Variants in HKDC1 observed in about 807,000 individuals in gnomAD.
HKDC1 encodes the protein hexokinase domain containing 1.
A neutral mutation model predicts 96.6 loss-of-function variants in HKDC1; 66 were observed. The observed-to-expected ratio is 0.68, with a 90% CI of 0.56 to 0.84. HKDC1 has a LOEUF of 0.84. Among genes scored for constraint, HKDC1 ranks in the 40% least tolerant of loss-of-function variants. The pLI is 0.00. For synonymous variants in HKDC1, 466 were observed against 473.1 expected (o/e 0.98, Z 0.20); for missense variants, 1,211 against 1,208.1 (o/e 1.00, Z -0.04).
chr10:69,255,704 G>A (rs1378547153), intron 12 of HKDC1, among the ~76,000 whole-genome samples: 2 of 152,100 alleles, frequency 1.3e-5, no homozygotes, highest in African/African-American at 4.8e-5. Flanking sequence ...ATCACTTGAG[G>A]TCAGGAGTTC....
At chr10:69,259,399 A>G (rs1843772709) in intron 15 of HKDC1, among the ~76,000 whole-genome samples, 1 of 152,250 alleles carries the variant, frequency 6.6e-6, no homozygotes, top group African/African-American at 2.4e-5. Flanking sequence ...CCATGATGTC[A>G]TGTCCCACCA....
At chr10:69,237,343 A>G (rs990274669) in intron 4 of HKDC1, among the ~76,000 whole-genome samples, 1 of 151,006 alleles carries the variant, frequency 6.6e-6, no homozygotes, top group African/African-American at 2.4e-5. Context: ...ATAAATGGTA[A>G]TACTTTTTTC....
intron 13 of HKDC1, 31 bp from the exon 14 acceptor site, chr10:69,257,296 G>T (rs1199254700): frequency 6.3e-7 from 1 of 1,584,158 alleles, no homozygotes. Flanking sequence ...TAGTAAAGCT[G>T]GGTTTTTTTT....
intron 7 of HKDC1, 108 bp downstream of exon 7, chr10:69,243,473 C>A: frequency 1.2e-4 from 94 of 796,068 alleles, no homozygotes; most frequent in Non-Finnish European, 1.6e-4. Context: ...CTATCCATCA[C>A]AACTTTCTTT....
At chr10:69,250,195 C>A (rs1395514740) in intron 10 of HKDC1, 95 bp from the exon 11 acceptor site, 1 of 1,371,198 alleles carries the variant, frequency 7.3e-7, no homozygotes, top group South Asian at 1.3e-5. Flanking sequence ...GGAGTGCAGG[C>A]CCTGGGTCCG....
chr10:69,225,656 G>A (rs982420025), intron 1 of HKDC1, among the ~76,000 whole-genome samples: 3 of 152,120 alleles, frequency 2.0e-5, no homozygotes, highest in African/African-American at 4.8e-5. Context: ...CTGTCCTAGC[G>A]CGAAGGTAAT....
chr10:69,246,899 G>A (rs1388167502), intron 8 of HKDC1, among the ~76,000 whole-genome samples: 1 of 152,240 alleles, frequency 6.6e-6, no homozygotes, highest in Non-Finnish European at 1.5e-5. Flanking sequence ...ACGTGGCGCT[G>A]ACCTGCAGCA....
intron 1 of HKDC1, among the ~76,000 whole-genome samples, chr10:69,226,426 C>T (rs1262514446): frequency 2.0e-5 from 3 of 152,068 alleles, no homozygotes; most frequent in African/African-American, 7.2e-5. Context: ...GCGTGTGGAT[C>T]ACTTGAGGTC....
intron 4 of HKDC1, 61 bp from the exon 5 acceptor site, chr10:69,238,981 C>A (rs996904575): frequency 1.6e-6 from 2 of 1,212,866 alleles, no homozygotes; most frequent in Admixed American, 3.8e-5. Context: ...GAAGTTTCTG[C>A]GGCTCAGTTG....
intron 4 of HKDC1, among the ~76,000 whole-genome samples, chr10:69,236,120 ATTT>A (rs11341726): frequency 7.2e-5 from 10 of 138,586 alleles, no homozygotes; most frequent in African/African-American, 1.1e-4. Context: ...AAGCATTTTG[ATTT>A]TTTTTTTTTT....
rs765520015 is a variant in HKDC1, at chr10:69,248,549, A to T, written c.1391A>T (p.Gln464Leu). The part of the protein sequence containing the change: ...AMVTAVASRV[Q>L]AQRKQIDRVL... ...GTGACCGCGGTGGCCTCCCGCGTGC[A>T]GGCCCAGCGGAAGCAGATCGACAGG... The change falls in exon 10 of 18, where the codon CAG becomes CTG. Residue 464 changes from glutamine (Q) to leucine (L), a missense_variant. Physicochemically the swap from Gln to Leu is moderately radical, Grantham distance 113. Coordinates refer to ENST00000354624, the MANE Select transcript of HKDC1 (RefSeq NM_025130.4). 2.5e-6 allele frequency: 4 copies of T among 1,614,126 alleles called. 1 individual carries two copies. In the South Asian group the frequency reaches 4.4e-5, roughly 18 times the overall value.
chr10:69,235,512 T>C (rs994652135), intron 4 of HKDC1, among the ~76,000 whole-genome samples: 2 of 152,224 alleles, frequency 1.3e-5, no homozygotes, highest in East Asian at 1.9e-4. Context: ...CAAGTGGAGC[T>C]GGCTGGCAGA....
At chr10:69,249,621 G>A (rs559852884) in intron 10 of HKDC1, among the ~76,000 whole-genome samples, 10 of 152,196 alleles carry the variant, frequency 6.6e-5, no homozygotes, top group East Asian at 1.9e-4. Context: ...TCAGCCTCCC[G>A]AGTAGCTGGG....
chr10:69,238,181 T>A (rs921062545), intron 4 of HKDC1, among the ~76,000 whole-genome samples: 9 of 152,346 alleles, frequency 5.9e-5, no homozygotes, highest in Non-Finnish European at 7.3e-5. Context: ...TGGCCTCAAG[T>A]GATCCACCTG....
Position 69,266,809 on chromosome 10 carries a change from C to A in HKDC1, c.*52C>A. The A allele has an allele frequency of 6.4e-7, 1 of 1,568,164 alleles. No individual in the cohort carries two copies. The highest frequency in any genetic ancestry group is 8.7e-7 in the Non-Finnish European group (1 of 1,155,450). On this transcript the variant is annotated 3_prime_UTR_variant, in exon 18 of 18. Transcript: ENST00000354624. ...TCTTGGATACTGAACAGCTTTTCCT[C>A]TGGCAGATCAGTTGGTCAGAGACCA... is the stretch of plus-strand genomic sequence containing the variant.
chr10:69,262,043 C>T (rs1334790663), intron 16 of HKDC1: 1 of 419,036 alleles, frequency 2.4e-6, no homozygotes, highest in Non-Finnish European at 4.8e-6. Context: ...GTCTGTCTGT[C>T]TCTCTTTCTT....
chr10:69,248,530 G>A lies in HKDC1; in HGVS notation c.1372G>A (p.Ala458Thr), dbSNP rs552439176. 3.7e-6 allele frequency: 6 copies of A among 1,613,958 alleles called. No individual in the cohort carries two copies. Among genetic ancestry groups the A allele is most frequent in the South Asian group, 3.3e-5 (3 of 91,068 alleles). ...GSTKGAAMVT[A>T]VASRVQAQRK... The stretch of plus-strand genomic sequence containing the variant: ...CACCAAGGGGGCCGCCATGGTGACC[G>A]CGGTGGCCTCCCGCGTGCAGGCCCA... Residue 458 changes from alanine (A) to threonine (T), a missense_variant, in exon 10 of 18, where the codon GCG (alanine) becomes ACG (threonine). Ala to Thr is a moderately conservative substitution (Grantham distance 58). Coordinates refer to ENST00000354624, the MANE Select transcript of HKDC1 (RefSeq NM_025130.4).
At chr10:69,262,089 G>T in intron 16 of HKDC1, 1 of 440,150 alleles carries the variant, frequency 2.3e-6, no homozygotes, top group Non-Finnish European at 4.6e-6. Context: ...ATATTGCCTG[G>T]ATCTATTATT....
At position 69,246,124 on chromosome 10, in the gene HKDC1, GC is replaced by G. The variant is rs773349152; in HGVS notation, c.922del (p.Ile309SerfsTer3). On this transcript the variant is annotated frameshift_variant, in exon 8 of 18. Transcript: ENST00000354624. LOFTEE classifies it high-confidence loss of function. ...GCCTGTACCTGGGGGAGCTTGTCAG[GC>G]TTATCTTGCTGAAGATGGCCAAGGC... ...SGLYLGELVR[L>X]ILLKMAKAGL... The G allele has an allele frequency of 6.2e-7, 1 of 1,614,238 alleles. No homozygotes were observed. The highest frequency in any genetic ancestry group is 8.5e-7 in the Non-Finnish European group (1 of 1,180,040).
Sources: allele counts gnomAD v4.1 joint callset (sites outside exome capture counted in the v4.1 genomes callset), GRCh38; gene constraint gnomAD v4.1.1; transcripts MANE v1.5; gene names NCBI Gene and HGNC (gene_info 2026-07-23, HGNC 2026-07-21).